GRIK1: variants seen among roughly 807,000 people sequenced by gnomAD.
GRIK1 encodes the protein glutamate ionotropic receptor kainate type subunit 1.
A neutral mutation model predicts 105.7 loss-of-function variants in GRIK1; 69 were observed. That is an observed-to-expected ratio of 0.65 (90% CI 0.54 to 0.80). The LOEUF is 0.80. Among genes scored for constraint, GRIK1 ranks in the 30% least tolerant of loss-of-function variants. The pLI, the probability that GRIK1 is intolerant of heterozygous loss-of-function variation, is 0.00. For synonymous variants in GRIK1, 438 were observed against 431.3 expected (o/e 1.02, Z -0.19); for missense variants, 1,109 against 1,167.3 (o/e 0.95, Z 0.73).
chr21:29,561,790 G>A lies in GRIK1; in HGVS notation c.2190C>T (p.Thr730=), dbSNP rs777124061. Residue 730 remains threonine, a synonymous_variant, in exon 15 of 18, where the codon ACC becomes ACT. Transcript: ENST00000327783. ...CCTCATCACTGTTTCTTACCAGGGC[G>A]GTCTGCTGCCTGCTGCTCATGAAAG... ...MWAFMSSRQQ[T]ALVRNSDEGI... 10 of 1,613,816 alleles carry A rather than the reference G, an allele frequency of 6.2e-6. No individual in the cohort carries two copies. The highest frequency in any genetic ancestry group is 4.5e-5 in the East Asian group (2 of 44,884).
Position 29,870,750 on chromosome 21 carries a change from C to A in GRIK1, c.118+68633G>T, listed in dbSNP as rs549949461. ...TAAATCCAGTCTAGTTTTCTGTCAA[C>A]CTCCACAGTAGAACCAGAATTATAT... On this transcript the variant is annotated intron_variant, in intron 1 of 17. Coordinates refer to ENST00000327783, the MANE Select transcript of GRIK1 (RefSeq NM_001330994.2). Among the ~76,000 whole-genome samples the A allele has an allele frequency of 2.6e-5, 4 of 152,192 alleles. No homozygotes were observed. The South Asian group carries it at 8.3e-4, about 32-fold the overall frequency.
intron 1 of GRIK1, among the ~76,000 whole-genome samples, chr21:29,919,017 T>C (rs905816173): frequency 5.9e-5 from 9 of 151,612 alleles, no homozygotes; most frequent in Admixed American, 2.0e-4. Flanking sequence ...CTACCAGCAA[T>C]GTATCAATCC....
intron 5 of GRIK1, among the ~76,000 whole-genome samples, chr21:29,651,995 C>T (rs2062748842): frequency 6.6e-6 from 1 of 151,996 alleles, no homozygotes; most frequent in Admixed American, 6.5e-5. Flanking sequence ...TTTATTTTTG[C>T]AGTACTGTTA....
chr21:29,622,135 A>C (rs2062019622), intron 7 of GRIK1, among the ~76,000 whole-genome samples: 1 of 151,852 alleles, frequency 6.6e-6, no homozygotes, highest in African/African-American at 2.4e-5. Flanking sequence ...TTAGTAGAGA[A>C]GGGGTTTCAT....
intron 7 of GRIK1, among the ~76,000 whole-genome samples, chr21:29,615,094 G>A (rs895872123): frequency 6.6e-6 from 1 of 151,592 alleles, no homozygotes; most frequent in Non-Finnish European, 1.5e-5. Context: ...CCTCCTCTCC[G>A]AAGCTGTTCC....
intron 1 of GRIK1, among the ~76,000 whole-genome samples, chr21:29,742,541 CCT>C (rs2064956373): frequency 6.6e-6 from 1 of 152,210 alleles, no homozygotes; most frequent in African/African-American, 2.4e-5. Context: ...GAATAATAAA[CCT>C]CACTGCGTGG....
intron 1 of GRIK1, among the ~76,000 whole-genome samples, chr21:29,745,952 A>C (rs993250572): frequency 6.6e-6 from 1 of 152,116 alleles, no homozygotes; most frequent in Admixed American, 6.5e-5. Flanking sequence ...AAATACAAAA[A>C]AATTAGCCAG....
intron 1 of GRIK1, among the ~76,000 whole-genome samples, chr21:29,775,855 A>G (rs911236582): frequency 2.6e-5 from 4 of 152,200 alleles, no homozygotes; most frequent in African/African-American, 9.6e-5. Flanking sequence ...ACCTCCCTTT[A>G]GTAGTTTTAT....
At chr21:29,854,776 C>G (rs1429813151) in intron 1 of GRIK1, among the ~76,000 whole-genome samples, 1 of 152,146 alleles carries the variant, frequency 6.6e-6, no homozygotes, top group African/African-American at 2.4e-5. Context: ...TCTTCCCCAG[C>G]AAGGCCCAGG....
At chr21:29,748,332 G>A (rs903459991) in intron 1 of GRIK1, 2 of 152,198 alleles carry the variant, frequency 1.3e-5, no homozygotes, top group African/African-American at 4.8e-5. Context: ...GGACACTCAC[G>A]GGTCCTGCCA....
intron 1 of GRIK1, among the ~76,000 whole-genome samples, chr21:29,817,584 G>A (rs751043169): frequency 1.5e-4 from 23 of 152,168 alleles, no homozygotes; most frequent in African/African-American, 5.5e-4. Context: ...AGTCATCTTG[G>A]TATTGCCCCT....
At position 29,913,672 on chromosome 21, in the gene GRIK1, A is replaced by AATATATAT. The variant is rs60924907; in HGVS notation, c.118+25703_118+25710dup. ...GTAGATTTAAATTAAAGAAACACTAAATATATATATATATATATATATTTG... is the reference window on the plus strand; with the variant it reads ...GTAGATTTAAATTAAAGAAACACTAAATATATATATATATATATATATATATATATTTG... On this transcript the variant is annotated intron_variant, in intron 1 of 17. Transcript: ENST00000327783. Among the ~76,000 whole-genome samples the AATATATAT allele has an allele frequency of 3.2e-3, 457 of 144,570 alleles. 2 individuals are homozygous for AATATATAT. Among genetic ancestry groups the AATATATAT allele is most frequent in the African/African-American group, 0.011 (436 of 39,536 alleles). The allele number at this position is 144,570 out of a possible 152,430, so 94.8% of individuals were successfully genotyped here. A position where few individuals can be genotyped will look rare whatever the true frequency, so the allele number is the denominator to read the frequency against.
At chr21:29,793,931 A>G (rs1329546891) in intron 1 of GRIK1, among the ~76,000 whole-genome samples, 1 of 152,194 alleles carries the variant, frequency 6.6e-6, no homozygotes, top group South Asian at 2.1e-4. Context: ...GGAAGACACA[A>G]AGGTCCATTT....
intron 1 of GRIK1, among the ~76,000 whole-genome samples, chr21:29,744,518 C>T (rs2065003893): frequency 1.3e-5 from 2 of 151,522 alleles, no homozygotes; most frequent in South Asian, 4.2e-4. Context: ...AGAAATCCTT[C>T]CTAGTTGTCA....
chr21:29,552,190 A>C (rs1232129315), intron 16 of GRIK1, among the ~76,000 whole-genome samples: 1 of 152,112 alleles, frequency 6.6e-6, no homozygotes, highest in East Asian at 1.9e-4. Context: ...GATTGCACAG[A>C]TGGCATATCT....
chr21:29,752,454 G>T (rs1010762919), intron 1 of GRIK1, among the ~76,000 whole-genome samples: 4 of 152,170 alleles, frequency 2.6e-5, no homozygotes, highest in African/African-American at 4.8e-5. Flanking sequence ...CTTCTTCTTT[G>T]CAAGAAGCTT....
At chr21:29,690,034 G>A in intron 2 of GRIK1, 49 bp from the exon 3 acceptor site, 1 of 1,445,904 alleles carries the variant, frequency 6.9e-7, no homozygotes, top group Non-Finnish European at 9.7e-7. Flanking sequence ...CAGGGAAAGG[G>A]GGAGAGAAAA....
chr21:29,660,302 C>A (rs1257362210), intron 4 of GRIK1, among the ~76,000 whole-genome samples: 2 of 152,118 alleles, frequency 1.3e-5, no homozygotes, highest in Non-Finnish European at 2.9e-5. Flanking sequence ...TCTTGTGAGT[C>A]CTCAATGAAG....
intron 1 of GRIK1, among the ~76,000 whole-genome samples, chr21:29,929,969 G>A (rs1474703118): frequency 1.3e-5 from 2 of 152,088 alleles, no homozygotes; most frequent in Admixed American, 1.3e-4. Flanking sequence ...ATACACAATG[G>A]AATACTATTC....
Sources: gnomAD v4.1 joint callset for allele counts (sites outside exome capture counted in the v4.1 genomes callset) on GRCh38, gnomAD v4.1.1 for gene constraint, MANE v1.5 for transcripts, NCBI Gene and HGNC (gene_info 2026-07-23, HGNC 2026-07-21) for gene names.